ANKRD44: variants seen among roughly 807,000 people sequenced by gnomAD.
ANKRD44 encodes ankyrin repeat domain 44, also known as serine/threonine-protein phosphatase 6 regulatory ankyrin repeat subunit B.
A neutral mutation model predicts 116.0 loss-of-function variants in ANKRD44; 35 were observed. That is an observed-to-expected ratio of 0.30 (90% confidence interval 0.23 to 0.40). ANKRD44 has a LOEUF of 0.40. Ranked by LOEUF, ANKRD44 falls within the 10% of genes least tolerant of loss-of-function variation. The pLI is 1.00. For missense variants in ANKRD44, 1,014 were observed against 1,242.6 expected (o/e 0.82, Z 2.77); for synonymous variants, 435 against 461.8 (o/e 0.94, Z 0.74).
chr2:197,281,584 A>G (rs775693349), intron 1 of ANKRD44, among the ~76,000 whole-genome samples: 2 of 152,200 alleles, frequency 1.3e-5, no homozygotes, highest in Non-Finnish European at 2.9e-5. Flanking sequence ...AGCAACAGGG[A>G]GTAAAGTACC....
At chr2:197,160,220 T>C (rs2079926824) in intron 2 of ANKRD44, among the ~76,000 whole-genome samples, 1 of 152,194 alleles carries the variant, frequency 6.6e-6, no homozygotes, top group South Asian at 2.1e-4. Context: ...TTTTTCATTC[T>C]AAAATGAAAA....
intron 1 of ANKRD44, among the ~76,000 whole-genome samples, chr2:197,257,771 T>A (rs2082490151): frequency 6.6e-6 from 1 of 152,202 alleles, no homozygotes; most frequent in Non-Finnish European, 1.5e-5. Flanking sequence ...CATCTTTAAG[T>A]GTACAGTTCA....
intron 10 of ANKRD44, among the ~76,000 whole-genome samples, chr2:197,092,177 C>T (rs2078057227): frequency 6.6e-6 from 1 of 152,198 alleles, no homozygotes; most frequent in Non-Finnish European, 1.5e-5. Flanking sequence ...GACCACTTCT[C>T]ATAACATCTT....
At chr2:197,042,410 T>G (rs1214518831) in intron 16 of ANKRD44, among the ~76,000 whole-genome samples, 12 of 151,878 alleles carry the variant, frequency 7.9e-5, no homozygotes, top group African/African-American at 2.4e-4. Flanking sequence ...CCAACATTGT[T>G]AGGAGAAAAG....
intron 1 of ANKRD44, among the ~76,000 whole-genome samples, chr2:197,234,536 C>A (rs1184244133): frequency 2.0e-5 from 3 of 152,176 alleles, no homozygotes; most frequent in African/African-American, 7.2e-5. Context: ...TAATTGGGAT[C>A]ATGCTTTACG....
chr2:197,277,718 A>G (rs1397759249), intron 1 of ANKRD44, among the ~76,000 whole-genome samples: 1 of 152,130 alleles, frequency 6.6e-6, no homozygotes, highest in Non-Finnish European at 1.5e-5. Context: ...GGTGGTATGG[A>G]AGAGGTCCCA....
At chr2:197,017,577 C>A (rs2076416640) in intron 17 of ANKRD44, among the ~76,000 whole-genome samples, 1 of 152,140 alleles carries the variant, frequency 6.6e-6, no homozygotes, top group Non-Finnish European at 1.5e-5. Context: ...GGTAGTATAA[C>A]AACTCATGCT....
At chr2:197,052,669 A>G (rs1475791174) in intron 16 of ANKRD44, among the ~76,000 whole-genome samples, 1 of 152,114 alleles carries the variant, frequency 6.6e-6, no homozygotes, top group Admixed American at 6.5e-5. Flanking sequence ...GGAAGTAAAG[A>G]CTGGGGAGAA....
rs187687613 is a variant in ANKRD44 at position 197,222,456 on chromosome 2, G to A, written c.28-35350C>T. ...CAGATCCCCATCACTTGTGGATCAC[G>A]CAGCTTTAAAAAACATTCTCTGCCC... On this transcript the variant is annotated intron_variant, in intron 1 of 27. Coordinates refer to ENST00000282272, the MANE Select transcript of ANKRD44 (RefSeq NM_001195144.2). 2.8e-3 allele frequency among the ~76,000 whole-genome samples: 424 copies of A among 152,256 alleles called. 1 individual carries two copies. Among genetic ancestry groups the A allele is most frequent in the African/African-American group, 9.5e-3 (396 of 41,546 alleles).
intron 8 of ANKRD44, among the ~76,000 whole-genome samples, chr2:197,118,002 G>A (rs1047203659): frequency 4.6e-5 from 7 of 151,092 alleles, no homozygotes; most frequent in African/African-American, 1.5e-4. Flanking sequence ...ACTTGAGCTC[G>A]GGAGTTGGAG....
At chr2:197,069,058 T>A (rs2077504097) in intron 16 of ANKRD44, among the ~76,000 whole-genome samples, 2 of 152,182 alleles carry the variant, frequency 1.3e-5, no homozygotes, top group Admixed American at 6.5e-5. Flanking sequence ...CAAATGTCCA[T>A]CAATGATAGA....
intron 4 of ANKRD44, among the ~76,000 whole-genome samples, chr2:197,129,403 G>A (rs996825706): frequency 1.3e-5 from 2 of 152,142 alleles, no homozygotes; most frequent in Non-Finnish European, 2.9e-5. Context: ...CCAAAGTGCT[G>A]GGGTTACAGG....
At chr2:197,238,845 T>C (rs2712883) in intron 1 of ANKRD44, among the ~76,000 whole-genome samples, 150,336 of 152,200 alleles carry the variant, frequency 0.99, 74,278 homozygotes, top group East Asian at 1. Flanking sequence ...GCTGGGATTA[T>C]AGGCATGTAC....
chr2:197,196,257 A>G (rs1275701335), intron 1 of ANKRD44, among the ~76,000 whole-genome samples: 1 of 152,166 alleles, frequency 6.6e-6, no homozygotes, highest in Non-Finnish European at 1.5e-5. Context: ...CTTTGTGGGG[A>G]AAAAAGAAAA....
chr2:197,140,723 C>T (rs767848625), intron 3 of ANKRD44, among the ~76,000 whole-genome samples: 2 of 152,012 alleles, frequency 1.3e-5, no homozygotes, highest in African/African-American at 4.8e-5. Context: ...ACCACACACA[C>T]ATCCCAAAAA....
intron 2 of ANKRD44, among the ~76,000 whole-genome samples, chr2:197,176,556 A>T (rs1175903138): frequency 6.6e-6 from 1 of 152,198 alleles, no homozygotes; most frequent in Non-Finnish European, 1.5e-5. Flanking sequence ...AATAAATGAA[A>T]TATATTAAGT....
At chr2:197,064,272 GGCCT>G (rs1287630330) in intron 16 of ANKRD44, among the ~76,000 whole-genome samples, 1 of 152,098 alleles carries the variant, frequency 6.6e-6, no homozygotes, top group Non-Finnish European at 1.5e-5. Flanking sequence ...GTCACCACCA[GGCCT>G]GCCCTACAAG....
intron 10 of ANKRD44, among the ~76,000 whole-genome samples, chr2:197,096,901 CAT>C (rs1305898791): frequency 6.6e-6 from 1 of 152,124 alleles, no homozygotes; most frequent in African/African-American, 2.4e-5. Context: ...TACACACACA[CAT>C]ACAATCACTG....
At chr2:197,061,642 G>T (rs1031158513) in intron 16 of ANKRD44, among the ~76,000 whole-genome samples, 3 of 152,200 alleles carry the variant, frequency 2.0e-5, no homozygotes, top group Non-Finnish European at 2.9e-5. Flanking sequence ...CAGGGCCAAA[G>T]AAATAACTGG....
Sources: gnomAD v4.1 joint callset for allele counts (sites outside exome capture counted in the v4.1 genomes callset) on GRCh38, gnomAD v4.1.1 for gene constraint, MANE v1.5 for transcripts, NCBI Gene and HGNC (gene_info 2026-07-23, HGNC 2026-07-21) for gene names.